Variants in VIPR1 observed in about 807,000 individuals in gnomAD.
The protein encoded by VIPR1 is vasoactive intestinal peptide receptor 1.
A neutral mutation model predicts 58.8 loss-of-function variants in VIPR1; 59 were observed. The observed-to-expected ratio is 1.00, with a 90% CI of 0.81 to 1.25. The LOEUF is 1.25. VIPR1 is among the 50% of genes most tolerant of loss of function. VIPR1 has a pLI of 0.00. For missense variants in VIPR1, 626 were observed against 602.7 expected (o/e 1.04, Z -0.40); for synonymous variants, 251 against 242.1 (o/e 1.04, Z -0.34).
At chr3:42,489,353 G>GC (rs1322909842) in exon 1 of VIPR1, 1 of 152,156 alleles carries the variant, frequency 6.6e-6, no homozygotes, top group Non-Finnish European at 1.5e-5. Context: ...TCCAGCAAAA[G>GC]CCCCAGGGCT....
Position 42,502,657 on chromosome 3 carries a change from C to T in VIPR1, c.-79C>T. 8.9e-7 allele frequency: 1 copy of T among 1,119,054 alleles called. No individual in the cohort carries two copies. 69.3% of individuals were successfully genotyped at this position (1,119,054 alleles called of 1,614,324 possible). A position where few individuals can be genotyped will look rare whatever the true frequency, so the allele number is the denominator to read the frequency against. Reference sequence around the variant, plus strand: ...GCGCCAGCGCCACTCTGCCAGGCTCCCGGCCATCGCCCGCCTGGTGCGCCG... The same window carrying T: ...GCGCCAGCGCCACTCTGCCAGGCTCTCGGCCATCGCCCGCCTGGTGCGCCG... On this transcript the variant is annotated 5_prime_UTR_variant, in exon 1 of 13. Coordinates refer to ENST00000325123, the MANE Select transcript of VIPR1 (RefSeq NM_004624.4).
At chr3:42,511,427 A>T (rs1254636040) in intron 1 of VIPR1, among the ~76,000 whole-genome samples, 3 of 152,190 alleles carry the variant, frequency 2.0e-5, no homozygotes. Context: ...GCTCTGATGG[A>T]CTTAAGCCTT....
chr3:42,512,518 G>T (rs993152767), intron 1 of VIPR1, among the ~76,000 whole-genome samples: 1 of 152,142 alleles, frequency 6.6e-6, no homozygotes, highest in Non-Finnish European at 1.5e-5. Context: ...CCCCTTAAAG[G>T]AAGGTCCCCC....
At chr3:42,494,883 T>C (rs972052487) in intron 1 of VIPR1, among the ~76,000 whole-genome samples, 5 of 152,208 alleles carry the variant, frequency 3.3e-5, no homozygotes, top group African/African-American at 1.2e-4. Flanking sequence ...AATGTTCATA[T>C]CTCTTATTTT....
intron 2 of VIPR1, among the ~76,000 whole-genome samples, chr3:42,514,648 T>G (rs533142348): frequency 2.6e-5 from 4 of 151,710 alleles, no homozygotes. Flanking sequence ...CCACCCTTAG[T>G]GGCCAGATGA....
upstream of VIPR1, chr3:42,500,120 G>C (rs1238958202): frequency 6.6e-6 from 1 of 152,236 alleles, no homozygotes; most frequent in East Asian, 1.9e-4. Context: ...GAATCTGCAA[G>C]GAAACAATTA....
Position 42,528,015 on chromosome 3 carries a change from C to T in VIPR1, c.528C>T (p.Tyr176=), listed in dbSNP as rs148004056. 69 of 1,613,964 alleles carry T rather than the reference C, an allele frequency of 4.3e-5. No individual in the cohort carries two copies. The highest frequency in any genetic ancestry group is 5.7e-5 in the Non-Finnish European group (67 of 1,179,962). Residue 176 remains tyrosine, a synonymous_variant, in exon 6 of 13, where the codon TAC becomes TAT. Transcript: ENST00000325123. ...GGAAGCTCCACTGCACGCGGAACTACATCCACATGCACCTCTTCATATCCT... is the reference window on the plus strand; with the variant it reads ...GGAAGCTCCACTGCACGCGGAACTATATCCACATGCACCTCTTCATATCCT... ...LFRKLHCTRN[Y]IHMHLFISFI...
intron 3 of VIPR1, among the ~76,000 whole-genome samples, chr3:42,525,050 G>C (rs892261069): frequency 6.6e-6 from 1 of 152,144 alleles, no homozygotes; most frequent in Admixed American, 6.5e-5. Flanking sequence ...GGCGGTGGTG[G>C]TGGTGGTGAT....
At chr3:42,522,843 G>A (rs779235060) in intron 3 of VIPR1, among the ~76,000 whole-genome samples, 26 of 152,208 alleles carry the variant, frequency 1.7e-4, no homozygotes, top group Non-Finnish European at 2.5e-4. Flanking sequence ...GGCACTGAGT[G>A]GAGGATCCTA....
intron 2 of VIPR1, among the ~76,000 whole-genome samples, chr3:42,514,975 G>A (rs1700551392): frequency 6.6e-6 from 1 of 152,210 alleles, no homozygotes; most frequent in African/African-American, 2.4e-5. Flanking sequence ...TTCCCATGGG[G>A]AGTGGGGCAT....
chr3:42,525,270 C>T (rs925228212), intron 3 of VIPR1, among the ~76,000 whole-genome samples: 2 of 152,078 alleles, frequency 1.3e-5, no homozygotes, highest in African/African-American at 4.8e-5. Context: ...GTGCAGCTTG[C>T]CTGGAGCCTC....
chr3:42,528,258 G>T, intron 6 of VIPR1, 135 bp downstream of exon 6: 1 of 1,172,952 alleles, frequency 8.5e-7, no homozygotes, highest in Non-Finnish European at 1.1e-6. Flanking sequence ...TCCAAGGATA[G>T]CCTAACCCCC....
intron 3 of VIPR1, among the ~76,000 whole-genome samples, chr3:42,524,293 C>G (rs1323453624): frequency 6.6e-6 from 1 of 152,220 alleles, no homozygotes; most frequent in African/African-American, 2.4e-5. Context: ...CCACCTCTGG[C>G]TGCAATGATG....
Position 42,527,447 on chromosome 3 carries a change from C to T in VIPR1, c.454C>T (p.Leu152=), listed in dbSNP as rs146893364. ...VKTGYTIGYG[L]SLATLLVATA... Reference sequence around the variant, plus strand: ...GACCGGCTACACCATTGGCTACGGCCTGTCCCTCGCCACCCTTCTGGTCGC... The same window carrying T: ...GACCGGCTACACCATTGGCTACGGCTTGTCCCTCGCCACCCTTCTGGTCGC... Residue 152 remains leucine, a synonymous_variant, in exon 5 of 13, where the codon CTG becomes TTG. Transcript: ENST00000325123. The T allele has an allele frequency of 3.1e-6, 5 of 1,613,916 alleles. No individual in the cohort carries two copies. In the African/African-American group the frequency reaches 6.7e-5, roughly 22 times the overall value.
At chr3:42,535,130 A>G (rs1356349156) in intron 11 of VIPR1, 26 bp downstream of exon 11, 11 of 1,613,892 alleles carry the variant, frequency 6.8e-6, no homozygotes, top group Non-Finnish European at 9.3e-6. Flanking sequence ...TTAAGGCTGC[A>G]TTCTTCCCTG....
intron 2 of VIPR1, among the ~76,000 whole-genome samples, chr3:42,515,793 A>G (rs996292137): frequency 2.0e-5 from 3 of 152,164 alleles, no homozygotes; most frequent in Admixed American, 6.5e-5. Context: ...TTTGTGAGTC[A>G]GAAGTGTGTG....
Position 42,530,997 on chromosome 3 carries a change from G to C in VIPR1, c.790+65G>C, listed in dbSNP as rs569336524. The C allele has an allele frequency of 6.9e-6, 11 of 1,589,266 alleles. No homozygotes were observed. In the South Asian group the frequency reaches 1.1e-4, roughly 16 times the overall value. On this transcript the variant is annotated intron_variant, in intron 7 of 12. Coordinates refer to ENST00000325123, the MANE Select transcript of VIPR1 (RefSeq NM_004624.4). ...GGGCAAGGCCTGGAGAACTCCCTAG[G>C]GGGAGGGTGCCAACCCAGCTTGCAG...
At chr3:42,531,730 A>G in intron 8 of VIPR1, 73 bp from the exon 9 acceptor site, 1 of 1,600,664 alleles carries the variant, frequency 6.2e-7, no homozygotes, top group Non-Finnish European at 8.6e-7. Flanking sequence ...GCTGGGGACA[A>G]CTGGGGGAGG....
Position 42,532,322 on chromosome 3 carries a change from C to CA in VIPR1, c.1000dup (p.Ser334LysfsTer32). 5 of 1,614,158 alleles carry CA rather than the reference C, an allele frequency of 3.1e-6. No homozygotes were observed. Among genetic ancestry groups the CA allele is most frequent in the East Asian group, 2.2e-5 (1 of 44,880 alleles). On this transcript the variant is annotated frameshift_variant, in exon 10 of 13. Coordinates refer to ENST00000325123, the MANE Select transcript of VIPR1 (RefSeq NM_004624.4). LOFTEE classifies it high-confidence loss of function. Reference sequence around the variant, plus strand: ...CCCCAGATATCAGGAAGAGTGACAGCAGTCCATACTCGTGAGTGTGGGCCT... The same window carrying CA: ...CCCCAGATATCAGGAAGAGTGACAGCAAGTCCATACTCGTGAGTGTGGGCCT...
Sources: allele counts gnomAD v4.1 joint callset (sites outside exome capture counted in the v4.1 genomes callset), GRCh38; gene constraint gnomAD v4.1.1; transcripts MANE v1.5; gene names NCBI Gene and HGNC (gene_info 2026-07-23, HGNC 2026-07-21).